MYO16: variants seen among roughly 807,000 people sequenced by gnomAD.
MYO16 encodes unconventional myosin-XVI.
In MYO16, 94 loss-of-function variants were observed where a neutral mutation model predicts 205.3. The ratio of observed to expected loss-of-function variants is 0.46; its 90% CI spans 0.39 to 0.54. MYO16 has a LOEUF of 0.54. Among genes scored for constraint, MYO16 ranks in the 20% least tolerant of loss-of-function variants. MYO16 has a pLI of 0.00. For missense variants in MYO16, 2,315 were observed against 2,387.5 expected, an observed-to-expected ratio of 0.97 and a Z score of 0.63; for synonymous variants, 988 against 954.0, an observed-to-expected ratio of 1.04 and a Z score of -0.66.
At chr13:108,968,533 G>A (rs1391700931) in intron 20 of MYO16, among the ~76,000 whole-genome samples, 3 of 152,174 alleles carry the variant, frequency 2.0e-5, no homozygotes, top group African/African-American at 7.2e-5. Context: ...GGCTGAGGCA[G>A]GAGAATCACT....
At chr13:108,678,118 T>C (rs80185819) in intron 2 of MYO16, among the ~76,000 whole-genome samples, 1 of 152,370 alleles carries the variant, frequency 6.6e-6, no homozygotes, top group East Asian at 1.9e-4. Context: ...ACGTGCCATT[T>C]ATAAGATCAG....
chr13:108,758,055 C>G (rs1406414162), intron 4 of MYO16, among the ~76,000 whole-genome samples: 1 of 152,154 alleles, frequency 6.6e-6, no homozygotes. Context: ...ACAGAGACTA[C>G]AGAGAGCTAG....
intron 5 of MYO16, among the ~76,000 whole-genome samples, chr13:108,789,772 T>C (rs912499145): frequency 6.6e-6 from 1 of 152,178 alleles, no homozygotes; most frequent in South Asian, 2.1e-4. Context: ...GCTAAAATCA[T>C]GGGATAGGTC....
rs764536850 is a variant in MYO16 at position 109,055,720 on chromosome 13, T to G, written c.3335+125T>G. 1.3e-6 allele frequency: 1 copy of G among 794,466 alleles called. No individual in the cohort carries two copies. The highest frequency in any genetic ancestry group is 2.0e-6 in the Non-Finnish European group (1 of 493,972). 49.2% of individuals were successfully genotyped at this position (794,466 alleles called of 1,614,324 possible). On this transcript the variant is annotated intron_variant, in intron 27 of 34. Transcript: ENST00000457511. This position sits in a 1 kb window ranked among gnomAD's most constrained non-coding sequence, Gnocchi z 5.0. ...GGCACTGCTTTTGTTGTTTACTTTT[T>G]TCTATCTCCAATAAACAAAATATTC... is the stretch of plus-strand genomic sequence containing the variant.
At chr13:108,795,505 G>A (rs184534719) in intron 6 of MYO16, among the ~76,000 whole-genome samples, 24 of 152,222 alleles carry the variant, frequency 1.6e-4, no homozygotes, top group Non-Finnish European at 2.9e-4. Flanking sequence ...ACCGCGCCTG[G>A]CCAGCTTCTA....
intron 34 of MYO16, among the ~76,000 whole-genome samples, chr13:109,181,430 G>A (rs1192580438): frequency 1.3e-5 from 2 of 152,172 alleles, no homozygotes; most frequent in Non-Finnish European, 2.9e-5. Context: ...CACATGCAGG[G>A]AACCAGCTTT....
At chr13:108,975,982 C>T (rs1884242451) in intron 20 of MYO16, among the ~76,000 whole-genome samples, 1 of 152,020 alleles carries the variant, frequency 6.6e-6, no homozygotes, top group African/African-American at 2.4e-5. Flanking sequence ...TTTTTGTCAA[C>T]CCACATGCAA....
chr13:108,971,338 G>C (rs117163311), intron 20 of MYO16, among the ~76,000 whole-genome samples: 1 of 101,840 alleles, frequency 9.8e-6, no homozygotes, highest in Non-Finnish European at 1.9e-5. Context: ...AAAATGGTGT[G>C]TGTGTGTTGA....
intron 23 of MYO16, among the ~76,000 whole-genome samples, chr13:109,022,403 A>T (rs369195923): frequency 5.3e-4 from 5 of 9,392 alleles, no homozygotes; most frequent in Non-Finnish European, 4.7e-3. Context: ...ATATGTATAT[A>T]TGTATATATT....
intron 12 of MYO16, among the ~76,000 whole-genome samples, chr13:108,879,022 G>A (rs1211470332): frequency 2.0e-5 from 3 of 152,220 alleles, no homozygotes; most frequent in Admixed American, 6.5e-5. Flanking sequence ...TTTGGTTGAG[G>A]TGTAATGTTT....
intron 23 of MYO16, among the ~76,000 whole-genome samples, chr13:109,043,791 C>T (rs1038401830): frequency 5.3e-5 from 8 of 152,042 alleles, no homozygotes; most frequent in East Asian, 3.9e-4. Context: ...ATCTACATAA[C>T]GTGCAGCAGT....
At chr13:108,958,857 A>G (rs1883479079) in intron 17 of MYO16, among the ~76,000 whole-genome samples, 3 of 152,164 alleles carry the variant, frequency 2.0e-5, no homozygotes, top group South Asian at 2.1e-4. Context: ...TTTACGGCCA[A>G]TTCCTCAAGA....
intron 1 of MYO16, among the ~76,000 whole-genome samples, chr13:108,652,340 T>C (rs900632132): frequency 6.6e-6 from 1 of 152,240 alleles, no homozygotes; most frequent in Non-Finnish European, 1.5e-5. Flanking sequence ...ACTTCAGCTA[T>C]GTATATATGT....
intron 2 of MYO16, among the ~76,000 whole-genome samples, chr13:108,712,082 C>T (rs1209186974): frequency 6.6e-6 from 1 of 152,160 alleles, no homozygotes; most frequent in Non-Finnish European, 1.5e-5. Context: ...AAATACAGGT[C>T]ACCTTTCAAC....
intron 23 of MYO16, among the ~76,000 whole-genome samples, chr13:109,041,989 C>A (rs1387088286): frequency 6.6e-6 from 1 of 151,910 alleles, no homozygotes; most frequent in Non-Finnish European, 1.5e-5. Context: ...CTCAGCCTCC[C>A]GAGTAGCTGG....
chr13:108,503,380 A>G, the MYO16 span, among the ~76,000 whole-genome samples: 10 of 152,308 alleles, frequency 6.6e-5, no homozygotes, highest in Admixed American at 2.6e-4. Flanking sequence ...GATGATTTCA[A>G]AGCAGACCTG....
At chr13:108,762,913 T>A (rs921650110) in intron 4 of MYO16, among the ~76,000 whole-genome samples, 3 of 151,774 alleles carry the variant, frequency 2.0e-5, no homozygotes, top group Non-Finnish European at 4.4e-5. Context: ...CAGTCAAATT[T>A]ACCTGCTTTT....
At chr13:109,073,692 C>G (rs1412911695) in intron 27 of MYO16, among the ~76,000 whole-genome samples, 1 of 152,164 alleles carries the variant, frequency 6.6e-6, no homozygotes, top group Non-Finnish European at 1.5e-5. Context: ...TATACATTGA[C>G]CAAATAACAG....
chr13:108,714,291 G>T (rs1237819174), intron 3 of MYO16, among the ~76,000 whole-genome samples: 1 of 152,150 alleles, frequency 6.6e-6, no homozygotes, highest in African/African-American at 2.4e-5. Flanking sequence ...TCCTGACCTC[G>T]TGATCCACCC....
Sources: allele counts gnomAD v4.1 joint callset (sites outside exome capture counted in the v4.1 genomes callset), GRCh38; gene constraint gnomAD v4.1.1; non-coding constraint Gnocchi (gnomAD v3.1); transcripts MANE v1.5; gene names NCBI Gene and HGNC (gene_info 2026-07-23, HGNC 2026-07-21).